The following TBC1D22A variants were observed in gnomAD, a reference collection of about 807,000 sequenced individuals.
TBC1D22A encodes putative GTPase activator.
Under a neutral mutation model 60.2 loss-of-function variants are expected in TBC1D22A, and 38 were observed. The observed-to-expected ratio is 0.63, with a 90% CI of 0.49 to 0.83. The LOEUF is 0.83. TBC1D22A is among the 40% of genes least tolerant of loss of function. The probability of loss-of-function intolerance (pLI) is 0.00; values close to 1 mark genes in which losing one functional copy is unlikely to be tolerated. For missense variants in TBC1D22A, 628 were observed against 701.0 expected (o/e 0.90, Z 1.18); for synonymous variants, 302 against 281.7 (o/e 1.07, Z -0.72).
chr22:47,097,195 T>A (rs935346121), intron 11 of TBC1D22A, among the ~76,000 whole-genome samples: 1 of 152,232 alleles, frequency 6.6e-6, no homozygotes, highest in African/African-American at 2.4e-5. Flanking sequence ...GATACAGTCT[T>A]CACCTTGTCG....
chr22:46,768,571 C>T (rs1158928485), intron 1 of TBC1D22A, among the ~76,000 whole-genome samples: 1 of 151,330 alleles, frequency 6.6e-6, no homozygotes, highest in Non-Finnish European at 1.5e-5. Context: ...CGCTGACTCT[C>T]TTGGCTCCCG....
chr22:47,156,842 C>T (rs977849232), intron 12 of TBC1D22A, among the ~76,000 whole-genome samples: 4 of 152,224 alleles, frequency 2.6e-5, no homozygotes, highest in African/African-American at 9.7e-5. Flanking sequence ...GCCGACCACC[C>T]GATGCTCAGC....
intron 11 of TBC1D22A, among the ~76,000 whole-genome samples, chr22:47,079,653 T>G (rs59193623): frequency 0.059 from 8,926 of 152,186 alleles, 292 homozygotes; most frequent in Middle Eastern, 0.088. Flanking sequence ...AAAATCCTAG[T>G]AGAGAAGATA....
intron 11 of TBC1D22A, among the ~76,000 whole-genome samples, chr22:47,037,680 A>G (rs1001564996): frequency 6.6e-6 from 1 of 152,214 alleles, no homozygotes; most frequent in African/African-American, 2.4e-5. Flanking sequence ...CATGCTTTTT[A>G]TCTGAGAAGA....
chr22:47,107,856 C>T (rs77007188), intron 11 of TBC1D22A, among the ~76,000 whole-genome samples: 5,041 of 152,332 alleles, frequency 0.033, 253 homozygotes, highest in African/African-American at 0.11. Context: ...AACTTCCATA[C>T]TTTTTACCAT....
chr22:46,958,537 A>G (rs530724621), intron 8 of TBC1D22A, among the ~76,000 whole-genome samples: 6 of 152,306 alleles, frequency 3.9e-5, no homozygotes, highest in East Asian at 3.9e-4. Flanking sequence ...CACCTGTTCA[A>G]TGTGTGATGC....
intron 4 of TBC1D22A, among the ~76,000 whole-genome samples, chr22:46,853,167 A>T (rs1362122589): frequency 1.3e-5 from 2 of 152,054 alleles, no homozygotes; most frequent in Non-Finnish European, 2.9e-5. Flanking sequence ...TTTCCAAAGC[A>T]TTTGCCCCTC....
rs1465845308 is a variant in TBC1D22A, at chr22:46,990,827, G to A, written c.1126-6807G>A. On this transcript the variant is annotated intron_variant, in intron 9 of 12. Transcript: ENST00000337137. This position sits in a 1 kb window ranked among gnomAD's most constrained non-coding sequence, Gnocchi z 4.6. The stretch of plus-strand genomic sequence containing the variant: ...TCCCTCCCGCGCCGGCGTTCGTGAC[G>A]GCTCTGCTCCTCGCCGTGTGCGTCT... Among the ~76,000 whole-genome samples, 6 of 152,190 alleles carry A rather than the reference G, an allele frequency of 3.9e-5. No homozygotes were observed. Among genetic ancestry groups the A allele is most frequent in the South Asian group, 2.1e-4 (1 of 4,826 alleles).
At chr22:47,107,126 T>A in intron 11 of TBC1D22A, among the ~76,000 whole-genome samples, 1 of 152,252 alleles carries the variant, frequency 6.6e-6, no homozygotes, top group Non-Finnish European at 1.5e-5. Flanking sequence ...TAAATATACA[T>A]GTTAAAATTT....
chr22:47,033,741 C>T (rs2062564129), intron 10 of TBC1D22A, among the ~76,000 whole-genome samples: 1 of 152,190 alleles, frequency 6.6e-6, no homozygotes, highest in South Asian at 2.1e-4. Flanking sequence ...TGGAAGGCTG[C>T]CATGAGGGTG....
In TBC1D22A at chr22:47,161,640, A is replaced by T. The variant is rs536162003; in HGVS notation, c.1426-11858A>T. ...AGCATTTGCTGTGTTTGCTTGAGTG[A>T]CCTGGAGCAAGGGGCTGAGTGTCTC... On this transcript the variant is annotated intron_variant, in intron 12 of 12. Coordinates refer to ENST00000337137, the MANE Select transcript of TBC1D22A (RefSeq NM_014346.5). Among the ~76,000 whole-genome samples, 17 of 152,300 alleles carry T rather than the reference A, an allele frequency of 1.1e-4. No individual in the cohort carries two copies. The South Asian group carries it at 3.5e-3, about 32-fold the overall frequency.
At chr22:46,900,312 C>G (rs1434059333) in intron 7 of TBC1D22A, among the ~76,000 whole-genome samples, 1 of 151,994 alleles carries the variant, frequency 6.6e-6, no homozygotes, top group African/African-American at 2.4e-5. Flanking sequence ...CCACCATGTC[C>G]AGCTAATTTT....
intron 8 of TBC1D22A, among the ~76,000 whole-genome samples, chr22:46,922,905 G>T (rs1309039887): frequency 6.6e-6 from 1 of 152,118 alleles, no homozygotes; most frequent in African/African-American, 2.4e-5. Context: ...CCTATTGAAT[G>T]CCTTTTATTT....
At chr22:46,996,274 C>T (rs1431330877) in intron 9 of TBC1D22A, among the ~76,000 whole-genome samples, 1 of 152,228 alleles carries the variant, frequency 6.6e-6, no homozygotes, top group Non-Finnish European at 1.5e-5. Flanking sequence ...CCTGGCTTCC[C>T]CTAGCTGAGA....
At chr22:47,168,716 G>C (rs907474646) in intron 12 of TBC1D22A, among the ~76,000 whole-genome samples, 1 of 144,552 alleles carries the variant, frequency 6.9e-6, no homozygotes, top group African/African-American at 2.5e-5. Flanking sequence ...GGAGCCTGGG[G>C]CCCTAGGACA....
rs140522398 is a variant in TBC1D22A at position 47,126,767 on chromosome 22, T to A, written c.1425+15164T>A. Among the ~76,000 whole-genome samples, 418 of 152,328 alleles carry A rather than the reference T, an allele frequency of 2.7e-3. 2 individuals are homozygous for A. The highest frequency in any genetic ancestry group is 9.7e-3 in the African/African-American group (403 of 41,590). On this transcript the variant is annotated intron_variant, in intron 12 of 12. Coordinates refer to ENST00000337137, the MANE Select transcript of TBC1D22A (RefSeq NM_014346.5). ...TGTCAAGGGCAGAGGGTGGCCCTTT[T>A]GCCCTGCCTCTACTGGGGGCACCCA...
Position 47,174,607 on chromosome 22 carries a change from TCATGGACCGGTTCCTC to T in TBC1D22A, c.*999_*1014del, listed in dbSNP as rs6147653. 0.78 allele frequency: 117,160 copies of T among 150,446 alleles called. 46,162 individuals carry two copies. Among genetic ancestry groups the T allele is most frequent in the East Asian group, 0.98 (5,009 of 5,088 alleles). The allele number at this position is 150,446 out of a possible 1,614,324, so 9.3% of individuals were successfully genotyped here. A position where few individuals can be genotyped will look rare whatever the true frequency, so the allele number is the denominator to read the frequency against. ...TGTAGGGGAGGTGTGACTGGTTCCA[TCATGGACCGGTTCCTC>T]CATGGACCGGTTCCTCCGTGGACCG... On this transcript the variant is annotated 3_prime_UTR_variant, in exon 13 of 13. Coordinates refer to ENST00000337137, the MANE Select transcript of TBC1D22A (RefSeq NM_014346.5).
chr22:46,998,462 C>T (rs1036418008), intron 10 of TBC1D22A, among the ~76,000 whole-genome samples: 6 of 152,196 alleles, frequency 3.9e-5, no homozygotes, highest in South Asian at 4.1e-4. Context: ...GAGTCCCATG[C>T]GCGCTTGGCA....
At chr22:46,823,107 T>C (rs1217204201) in intron 4 of TBC1D22A, among the ~76,000 whole-genome samples, 1 of 152,054 alleles carries the variant, frequency 6.6e-6, no homozygotes, top group Non-Finnish European at 1.5e-5. Context: ...CAATTTGAAA[T>C]CCAAAGCATC....
Sources: allele counts gnomAD v4.1 joint callset (sites outside exome capture counted in the v4.1 genomes callset), GRCh38; gene constraint gnomAD v4.1.1; non-coding constraint Gnocchi (gnomAD v3.1); transcripts MANE v1.5; gene names NCBI Gene and HGNC (gene_info 2026-07-23, HGNC 2026-07-21).